LRP6: variants seen among roughly 807,000 people sequenced by gnomAD.
LRP6 encodes the protein LDL receptor related protein 6.
A neutral mutation model predicts 184.1 loss-of-function variants in LRP6; 43 were observed. That is an observed-to-expected ratio of 0.23 (90% CI 0.18 to 0.30). The LOEUF is 0.30. LRP6 is among the 10% of genes least tolerant of loss of function. The pLI, the probability that LRP6 is intolerant of heterozygous loss-of-function variation, is 1.00. For missense variants in LRP6, 1,571 were observed against 2,005.3 expected, an observed-to-expected ratio of 0.78 and a Z score of 4.14; for synonymous variants, 719 against 684.9, an observed-to-expected ratio of 1.05 and a Z score of -0.78.
chr12:12,175,060 A>G (rs1363378449), intron 7 of LRP6, among the ~76,000 whole-genome samples: 4 of 152,192 alleles, frequency 2.6e-5, no homozygotes, highest in African/African-American at 7.2e-5. Flanking sequence ...CTCAGAAATG[A>G]AAGTGGGCAG....
Position 12,119,560 on chromosome 12 carries a change from T to G in LRP6, c.*1566A>C, listed in dbSNP as rs1306949263. ...GATGTAGCAGCCCCAGTACCATACA[T>G]GACAGCAGGTCAGGCAGATCACAAA... is the stretch of plus-strand genomic sequence containing the variant. On this transcript the variant is annotated 3_prime_UTR_variant, in exon 23 of 23. Coordinates refer to ENST00000261349, the MANE Select transcript of LRP6 (RefSeq NM_002336.3). 1 of 152,158 alleles carries G rather than the reference T, an allele frequency of 6.6e-6. No homozygotes were observed. The highest frequency in any genetic ancestry group is 1.9e-4 in the East Asian group (1 of 5,190). The allele number at this position is 152,158 out of a possible 1,614,324, so 9.4% of individuals were successfully genotyped here.
chr12:12,153,106 C>G (rs1329153217), intron 12 of LRP6, among the ~76,000 whole-genome samples: 3 of 152,166 alleles, frequency 2.0e-5, no homozygotes, highest in Non-Finnish European at 2.9e-5. Flanking sequence ...CACAGAATAG[C>G]TAAAAAGTCT....
intron 2 of LRP6, among the ~76,000 whole-genome samples, chr12:12,206,870 T>C (rs1382916808): frequency 6.6e-6 from 1 of 151,976 alleles, no homozygotes; most frequent in Admixed American, 6.6e-5. Flanking sequence ...AAAAAAATCC[T>C]GAGGCCAGGT....
intron 2 of LRP6, among the ~76,000 whole-genome samples, chr12:12,207,735 A>G (rs1864104790): frequency 6.6e-6 from 1 of 152,168 alleles, no homozygotes; most frequent in Non-Finnish European, 1.5e-5. Flanking sequence ...ACGCTACACC[A>G]GAAAGAACAC....
At chr12:12,149,191 A>C in intron 13 of LRP6, 38 bp from the exon 14 acceptor site, 2 of 1,532,530 alleles carry the variant, frequency 1.3e-6, no homozygotes. Flanking sequence ...ATTAAACTCC[A>C]GGGGCAGATA....
At chr12:12,165,749 C>G (rs1862862528) in intron 7 of LRP6, among the ~76,000 whole-genome samples, 1 of 152,072 alleles carries the variant, frequency 6.6e-6, no homozygotes, top group Admixed American at 6.6e-5. Context: ...CTTGTAAACA[C>G]AGTTGATGTC....
intron 1 of LRP6, among the ~76,000 whole-genome samples, chr12:12,254,730 T>C (rs1219429705): frequency 6.6e-6 from 1 of 152,222 alleles, no homozygotes; most frequent in African/African-American, 2.4e-5. Context: ...GTTGACTTTA[T>C]GAACCAACGC....
In LRP6 at chr12:12,167,468, C is replaced by A. The variant is rs1210862510; in HGVS notation, c.1546-2173G>T. On this transcript the variant is annotated intron_variant, in intron 7 of 22. Coordinates refer to ENST00000261349, the MANE Select transcript of LRP6 (RefSeq NM_002336.3). ...ACAATCCTGGCCAACATGGTGAAACCCCGTCTCTACTAAAAATACAAAAAA... is the reference window on the plus strand; with the variant it reads ...ACAATCCTGGCCAACATGGTGAAACACCGTCTCTACTAAAAATACAAAAAA... 2.0e-5 allele frequency among the ~76,000 whole-genome samples: 3 copies of A among 152,014 alleles called. No homozygotes were observed. The East Asian group carries it at 5.8e-4, about 29-fold the overall frequency.
intron 2 of LRP6, among the ~76,000 whole-genome samples, chr12:12,223,655 T>TC (rs1170654974): frequency 6.6e-6 from 1 of 152,238 alleles, no homozygotes; most frequent in Non-Finnish European, 1.5e-5. Context: ...ACTACTCCTA[T>TC]CTTAATTTTT....
chr12:12,247,379 C>CT (rs1482742791), intron 1 of LRP6, among the ~76,000 whole-genome samples: 4 of 152,172 alleles, frequency 2.6e-5, no homozygotes, highest in Non-Finnish European at 4.4e-5. Flanking sequence ...TCAAGTCAAA[C>CT]TTTAACACTT....
chr12:12,257,779 CAAAA>C (rs1163180718), intron 1 of LRP6, among the ~76,000 whole-genome samples: 36 of 35,316 alleles, frequency 1.0e-3, no homozygotes, highest in East Asian at 4.7e-3. Flanking sequence ...CCTGTCTCTA[CAAAA>C]AAAAAAAAAA....
chr12:12,211,873 C>CAAAGAAAGCATA (rs1424379774), intron 2 of LRP6, among the ~76,000 whole-genome samples: 2 of 152,148 alleles, frequency 1.3e-5, no homozygotes, highest in Admixed American at 6.5e-5. Flanking sequence ...CAACTATCAT[C>CAAAGAAAGCATA]AAAGAAAATG....
chr12:12,244,518 T>A lies in LRP6; in HGVS notation c.193A>T (p.Ile65Leu). The A allele has an allele frequency of 6.2e-7, 1 of 1,614,184 alleles. No homozygotes were observed. The highest frequency in any genetic ancestry group is 1.3e-5 in the African/African-American group (1 of 75,038). ...TCTTCGCTGACATCACTCCAGTATATCAAGCCATGACTAAACACAAAGTCC... is the reference window on the plus strand; with the variant it reads ...TCTTCGCTGACATCACTCCAGTATAACAAGCCATGACTAAACACAAAGTCC... ...AVDFVFSHGL[I>L]YWSDVSEEAI... Residue 65 changes from isoleucine (I) to leucine (L), a missense_variant, in exon 2 of 23, where the codon ATA becomes TTA. Physicochemically the swap from Ile to Leu is conservative, Grantham distance 5 (BLOSUM62 2). Transcript: ENST00000261349.
At chr12:12,229,385 AAAG>A (rs1213087844) in intron 2 of LRP6, among the ~76,000 whole-genome samples, 15 of 101,654 alleles carry the variant, frequency 1.5e-4, no homozygotes, top group African/African-American at 3.6e-4. Flanking sequence ...AAAAAAAAAA[AAAG>A]AAGAAGAAGA....
At chr12:12,152,462 A>T (rs7308712) in intron 12 of LRP6, among the ~76,000 whole-genome samples, 33,301 of 151,590 alleles carry the variant, frequency 0.22, 4,464 homozygotes, top group African/African-American at 0.38. Flanking sequence ...AATTTTTTTA[A>T]TTTTAGTAGA....
At chr12:12,208,858 C>G (rs1206826135) in intron 2 of LRP6, among the ~76,000 whole-genome samples, 1 of 152,164 alleles carries the variant, frequency 6.6e-6, no homozygotes, top group African/African-American at 2.4e-5. Context: ...AATATATGAA[C>G]TAGATTTCTC....
At chr12:12,164,897 C>T (rs1233566472) in intron 8 of LRP6, among the ~76,000 whole-genome samples, 182 bp downstream of exon 8, 1 of 95,770 alleles carries the variant, frequency 1.0e-5, no homozygotes, top group Non-Finnish European at 2.0e-5. Flanking sequence ...AGTAAGTCAA[C>T]GTTTAAAAGG....
intron 1 of LRP6, among the ~76,000 whole-genome samples, chr12:12,266,294 T>C (rs1054654459): frequency 1.3e-5 from 2 of 152,092 alleles, no homozygotes; most frequent in African/African-American, 4.8e-5. Context: ...AGGCCAACCT[T>C]AAAGCATCTC....
chr12:12,154,534 T>C (rs1024936293), intron 12 of LRP6, among the ~76,000 whole-genome samples: 2 of 152,170 alleles, frequency 1.3e-5, no homozygotes, highest in African/African-American at 2.4e-5. Context: ...GCTTGATAAA[T>C]AAACACTCAT....
Sources: gnomAD v4.1 joint callset for allele counts (sites outside exome capture counted in the v4.1 genomes callset) on GRCh38, gnomAD v4.1.1 for gene constraint, MANE v1.5 for transcripts, NCBI Gene and HGNC (gene_info 2026-07-23, HGNC 2026-07-21) for gene names.